Variants in CPPED1 observed in about 807,000 individuals in gnomAD.
The protein encoded by CPPED1 is calcineurin like phosphoesterase domain containing 1, also known as serine/threonine-protein phosphatase CPPED1.
A neutral mutation model predicts 28.0 loss-of-function variants in CPPED1; 28 were observed. That is an observed-to-expected ratio of 1.00 (90% confidence interval 0.74 to 1.37). CPPED1 has a LOEUF of 1.37. Ranked by LOEUF, CPPED1 falls within the 40% of genes most tolerant of loss-of-function variation. The pLI is 0.00. For missense variants in CPPED1, 504 were observed against 416.5 expected (o/e 1.21, Z -1.83); for synonymous variants, 198 against 180.2 (o/e 1.10, Z -0.79).
chr16:12,750,182 T>A (rs1183761363), intron 2 of CPPED1, among the ~76,000 whole-genome samples: 5 of 152,238 alleles, frequency 3.3e-5, no homozygotes, highest in African/African-American at 1.2e-4. Flanking sequence ...TTATCATTTA[T>A]GTGTTTAGAG....
intron 3 of CPPED1, among the ~76,000 whole-genome samples, chr16:12,666,493 G>T (rs980509855): frequency 6.6e-6 from 1 of 152,224 alleles, no homozygotes; most frequent in East Asian, 1.9e-4. Context: ...CTGGGGAAGT[G>T]GTAGGCTGGT....
chr16:12,684,924 C>T (rs1301099380), intron 3 of CPPED1, among the ~76,000 whole-genome samples: 1 of 152,114 alleles, frequency 6.6e-6, no homozygotes, highest in African/African-American at 2.4e-5. Flanking sequence ...GAGGAGAAAC[C>T]CAAATCTCCC....
intron 1 of CPPED1, 26 bp from the exon 2 acceptor site, chr16:12,781,429 A>G: frequency 6.2e-7 from 1 of 1,603,036 alleles, no homozygotes; most frequent in Non-Finnish European, 8.5e-7. Flanking sequence ...AGGGAGAAAG[A>G]AGGAGAAATC....
intron 2 of CPPED1, among the ~76,000 whole-genome samples, chr16:12,747,585 G>A (rs1226320916): frequency 3.3e-5 from 5 of 152,022 alleles, no homozygotes; most frequent in Non-Finnish European, 5.9e-5. Flanking sequence ...AATTAAATGT[G>A]TAAAAACCTA....
At chr16:12,786,291 C>T (rs764271909) in intron 1 of CPPED1, among the ~76,000 whole-genome samples, 44 of 152,178 alleles carry the variant, frequency 2.9e-4, no homozygotes, top group Admixed American at 7.2e-4. Flanking sequence ...CCTATGCGCA[C>T]ATCCAAATTT....
intron 3 of CPPED1, among the ~76,000 whole-genome samples, chr16:12,697,773 G>A (rs1038361880): frequency 1.3e-5 from 2 of 152,088 alleles, no homozygotes; most frequent in Non-Finnish European, 2.9e-5. Flanking sequence ...ACCCTTTACC[G>A]AAAAGTTCTA....
intron 3 of CPPED1, among the ~76,000 whole-genome samples, chr16:12,688,606 G>C (rs2079945954): frequency 6.6e-6 from 1 of 152,032 alleles, no homozygotes; most frequent in Admixed American, 6.6e-5. Context: ...CAAAGTACTG[G>C]GATTACAGGC....
intron 2 of CPPED1, among the ~76,000 whole-genome samples, chr16:12,736,985 T>A (rs2080229970): frequency 1.3e-5 from 2 of 151,546 alleles, no homozygotes; most frequent in East Asian, 1.9e-4. Context: ...AGGTCAGGAG[T>A]TTCAGACCAG....
At chr16:12,745,542 G>A (rs982251165) in intron 2 of CPPED1, among the ~76,000 whole-genome samples, 16 of 152,196 alleles carry the variant, frequency 1.1e-4, no homozygotes, top group African/African-American at 3.4e-4. Flanking sequence ...TGGAACTGGA[G>A]GCTATTATCT....
At chr16:12,763,098 G>T (rs1433330971) in intron 2 of CPPED1, among the ~76,000 whole-genome samples, 2 of 151,874 alleles carry the variant, frequency 1.3e-5, no homozygotes, top group African/African-American at 4.8e-5. Context: ...CGGGTGTGGT[G>T]GTGGATGCCT....
In CPPED1 at chr16:12,772,114, CTCTG is replaced by C. The variant is rs1179510407; in HGVS notation, c.289+9067_289+9070del. 5.3e-5 allele frequency among the ~76,000 whole-genome samples: 8 copies of C among 152,034 alleles called. No homozygotes were observed. In the South Asian group the frequency reaches 1.4e-3, roughly 28 times the overall value. ...CTCCAGCCTGGGCAACAGAACAAGA[CTCTG>C]TCTGAAAAACAAAACAAAACAAAAC... On this transcript the variant is annotated intron_variant, in intron 2 of 3. Transcript: ENST00000381774.
intron 3 of CPPED1, among the ~76,000 whole-genome samples, chr16:12,674,040 C>A (rs567376377): frequency 7.9e-5 from 12 of 152,082 alleles, no homozygotes; most frequent in South Asian, 2.1e-4. Context: ...CAGAGCAAGA[C>A]CCTGTCTCAA....
Position 12,704,604 on chromosome 16 carries a change from C to T in CPPED1, c.715+20G>A. On this transcript the variant is annotated intron_variant, in intron 3 of 3. Coordinates refer to ENST00000381774, the MANE Select transcript of CPPED1 (RefSeq NM_018340.3). Reference sequence around the variant, plus strand: ...TAGACTTGTCCTTCCTCCCTGAAACCCGTGGCCCGGGGCCTCTACCTGCGT... The same window carrying T: ...TAGACTTGTCCTTCCTCCCTGAAACTCGTGGCCCGGGGCCTCTACCTGCGT... 1.4e-5 allele frequency: 23 copies of T among 1,589,258 alleles called. No individual in the cohort carries two copies. Among genetic ancestry groups the T allele is most frequent in the Non-Finnish European group, 2.0e-5 (23 of 1,165,224 alleles).
In CPPED1 at chr16:12,731,343, C is replaced by T. The variant is rs563469720; in HGVS notation, c.290-26294G>A. 3.4e-5 allele frequency among the ~76,000 whole-genome samples: 5 copies of T among 148,150 alleles called. No homozygotes were observed. The East Asian group carries it at 5.9e-4, about 18-fold the overall frequency. ...TGATTTTTTGTATTGTTAGTAGAGA[C>T]GGGGTTTCACTGCATTAGAAAAATT... On this transcript the variant is annotated intron_variant, in intron 2 of 3. Coordinates refer to ENST00000381774, the MANE Select transcript of CPPED1 (RefSeq NM_018340.3).
At chr16:12,756,511 C>T (rs547322022) in intron 2 of CPPED1, among the ~76,000 whole-genome samples, 2 of 152,110 alleles carry the variant, frequency 1.3e-5, no homozygotes, top group South Asian at 2.1e-4. Flanking sequence ...GCTAACATGG[C>T]AAAACCCTGT....
At position 12,693,178 on chromosome 16, in the gene CPPED1, T is replaced by C. The variant is rs61096194; in HGVS notation, c.715+11446A>G. Among the ~76,000 whole-genome samples the C allele has an allele frequency of 3.9e-3, 590 of 152,204 alleles. 3 individuals carry two copies. Among genetic ancestry groups the C allele is most frequent in the African/African-American group, 0.014 (563 of 41,540 alleles). On this transcript the variant is annotated intron_variant, in intron 3 of 3. Transcript: ENST00000381774. ...CCTGATAGAGGGGCTCCCAGGACAA[T>C]GTCTGGCACCCAGGAGGCTTCACCT...
At chr16:12,783,521 A>G (rs529376547) in intron 1 of CPPED1, among the ~76,000 whole-genome samples, 2 of 151,866 alleles carry the variant, frequency 1.3e-5, no homozygotes, top group East Asian at 3.9e-4. Flanking sequence ...TAAATAAATA[A>G]ATAAATAAAT....
intron 2 of CPPED1, among the ~76,000 whole-genome samples, chr16:12,758,062 A>G (rs1422103161): frequency 3.9e-5 from 6 of 152,028 alleles, no homozygotes; most frequent in Non-Finnish European, 8.8e-5. Context: ...AGAGAAAACA[A>G]AGCCCCTTTC....
At chr16:12,681,716 T>G (rs1204955075) in intron 3 of CPPED1, among the ~76,000 whole-genome samples, 1 of 152,058 alleles carries the variant, frequency 6.6e-6, no homozygotes, top group East Asian at 1.9e-4. Context: ...AAAGAGTGGA[T>G]GGAAGAGGTT....
Sources: allele counts gnomAD v4.1 joint callset (sites outside exome capture counted in the v4.1 genomes callset), GRCh38; gene constraint gnomAD v4.1.1; transcripts MANE v1.5; gene names NCBI Gene and HGNC (gene_info 2026-07-23, HGNC 2026-07-21).